The following SCMH1 variants were observed in gnomAD, a reference collection of about 807,000 sequenced individuals.
SCMH1 encodes the protein polycomb protein SCMH1.
SCMH1 carries 37 observed loss-of-function variants against 70.8 expected under a neutral mutation model. That is an observed-to-expected ratio of 0.52 (90% CI 0.40 to 0.69). SCMH1 has a LOEUF of 0.69. Among genes scored for constraint, SCMH1 ranks in the 30% least tolerant of loss-of-function variants. SCMH1 has a pLI of 0.00. For missense variants in SCMH1, 607 were observed against 827.3 expected (o/e 0.73, Z 3.27); for synonymous variants, 292 against 307.4 (o/e 0.95, Z 0.52).
intron 2 of SCMH1, among the ~76,000 whole-genome samples, chr1:41,174,797 C>G (rs1191063526): frequency 6.6e-6 from 1 of 152,094 alleles, no homozygotes; most frequent in Non-Finnish European, 1.5e-5. Context: ...GTTGTATTGA[C>G]TTTATATCAA....
chr1:41,041,169 C>A (rs145666569), intron 12 of SCMH1: 38 of 152,224 alleles, frequency 2.5e-4, no homozygotes, highest in African/African-American at 8.9e-4. Context: ...AATTCTTACA[C>A]CAACGCAGGA....
chr1:41,182,695 A>G (rs764001546), intron 2 of SCMH1, among the ~76,000 whole-genome samples: 4 of 152,210 alleles, frequency 2.6e-5, no homozygotes, highest in Non-Finnish European at 5.9e-5. Flanking sequence ...TGGGGAACAG[A>G]GCAAGACTCT....
At chr1:41,095,679 A>G (rs1040115811) in intron 8 of SCMH1, among the ~76,000 whole-genome samples, 1 of 152,218 alleles carries the variant, frequency 6.6e-6, no homozygotes, top group Middle Eastern at 3.2e-3. Context: ...GCGAATATAT[A>G]TATTTCAAAT....
intron 1 of SCMH1, among the ~76,000 whole-genome samples, chr1:41,201,159 T>C (rs1654271133): frequency 6.6e-6 from 1 of 152,212 alleles, no homozygotes; most frequent in African/African-American, 2.4e-5. Context: ...CAGAACAGCA[T>C]CCATAAACCA....
chr1:41,032,512 T>C (rs1044437044), intron 13 of SCMH1, among the ~76,000 whole-genome samples: 2 of 152,080 alleles, frequency 1.3e-5, no homozygotes, highest in Non-Finnish European at 2.9e-5. Flanking sequence ...AGGAGGGAAG[T>C]GGCAGTGAAG....
In SCMH1 at chr1:41,200,804, T is replaced by C. The variant is rs1654174408; in HGVS notation, c.-117-14554A>G. Among the ~76,000 whole-genome samples the C allele has an allele frequency of 2.6e-5, 4 of 152,238 alleles. No homozygotes were observed. The South Asian group carries it at 8.3e-4, about 32-fold the overall frequency. On this transcript the variant is annotated intron_variant, in intron 1 of 14. Coordinates refer to ENST00000337495, the Ensembl canonical transcript of SCMH1. ...CTCTAAGGTTTTCTGGAGTGAAGAT[T>C]TGAATGCATGTCATCATCTATAAAC...
At chr1:41,151,577 T>C (rs745832675) in intron 5 of SCMH1, 37 bp downstream of exon 5, 1 of 1,535,246 alleles carries the variant, frequency 6.5e-7, no homozygotes, top group Admixed American at 1.8e-5. Flanking sequence ...AAAAATGACT[T>C]ATCTTCCACC....
chr1:41,080,875 A>G (rs1245212724), intron 8 of SCMH1, among the ~76,000 whole-genome samples: 1 of 152,174 alleles, frequency 6.6e-6, no homozygotes, highest in Non-Finnish European at 1.5e-5. Flanking sequence ...AATAACTACT[A>G]TCACCACTTC....
chr1:41,140,295 CTTTT>C (rs61401237), intron 6 of SCMH1, among the ~76,000 whole-genome samples: 4 of 145,736 alleles, frequency 2.7e-5, no homozygotes, highest in Non-Finnish European at 4.5e-5. Context: ...ACCCCAATAA[CTTTT>C]TTTTTTTTTT....
At chr1:41,093,466 C>G (rs934328089) in intron 8 of SCMH1, among the ~76,000 whole-genome samples, 4 of 151,988 alleles carry the variant, frequency 2.6e-5, no homozygotes, top group Non-Finnish European at 5.9e-5. Context: ...CACATGTATA[C>G]ATATGTAACA....
At chr1:41,111,804 G>A (rs929492459) in intron 8 of SCMH1, among the ~76,000 whole-genome samples, 2 of 152,086 alleles carry the variant, frequency 1.3e-5, no homozygotes. Context: ...TCATCATTCA[G>A]GTCTCAATTC....
intron 1 of SCMH1, among the ~76,000 whole-genome samples, chr1:41,218,906 G>C (rs1393122419): frequency 1.3e-5 from 2 of 152,152 alleles, no homozygotes; most frequent in Non-Finnish European, 2.9e-5. Flanking sequence ...TTTTCCAAGT[G>C]ATATAAATAT....
At chr1:41,207,067 T>C (rs1192922049) in intron 1 of SCMH1, among the ~76,000 whole-genome samples, 2 of 152,164 alleles carry the variant, frequency 1.3e-5, no homozygotes, top group African/African-American at 4.8e-5. Flanking sequence ...AAACAATCAG[T>C]ACCAGCTACT....
chr1:41,095,049 C>T (rs915104099), intron 8 of SCMH1, among the ~76,000 whole-genome samples: 1 of 152,122 alleles, frequency 6.6e-6, no homozygotes, highest in Non-Finnish European at 1.5e-5. Context: ...CTTTACCTGT[C>T]TTTATTTTTT....
intron 1 of SCMH1, among the ~76,000 whole-genome samples, chr1:41,215,773 TTCTC>T (rs1433414551): frequency 6.6e-6 from 1 of 152,194 alleles, no homozygotes; most frequent in African/African-American, 2.4e-5. Flanking sequence ...TACCCACCTT[TTCTC>T]TCTATTTGAT....
chr1:41,183,319 T>C (rs1201379598), intron 2 of SCMH1, among the ~76,000 whole-genome samples: 1 of 152,186 alleles, frequency 6.6e-6, no homozygotes, highest in Non-Finnish European at 1.5e-5. Context: ...AAAATACAAA[T>C]AAGATAAAAC....
intron 10 of SCMH1, among the ~76,000 whole-genome samples, chr1:41,054,343 T>C (rs949106075): frequency 3.3e-5 from 5 of 152,160 alleles, no homozygotes; most frequent in Non-Finnish European, 7.3e-5. Context: ...ATCACCTGGC[T>C]TCTCCCTGCT....
At chr1:41,060,644 T>A (rs776973481) in intron 10 of SCMH1, among the ~76,000 whole-genome samples, 32 of 152,178 alleles carry the variant, frequency 2.1e-4, no homozygotes, top group East Asian at 3.9e-4. Flanking sequence ...GACCTTTTTT[T>A]AAATTTCTTT....
chr1:41,030,678 A>G (rs1211873808), intron 13 of SCMH1, among the ~76,000 whole-genome samples: 1 of 152,104 alleles, frequency 6.6e-6, no homozygotes, highest in Admixed American at 6.5e-5. Context: ...ACCCCCACAC[A>G]GTACATATCG....
Sources: gnomAD v4.1 joint callset for allele counts (sites outside exome capture counted in the v4.1 genomes callset) on GRCh38, gnomAD v4.1.1 for gene constraint, MANE v1.5 for transcripts, NCBI Gene and HGNC (gene_info 2026-07-23, HGNC 2026-07-21) for gene names.